ABL2: variants seen among roughly 807,000 people sequenced by gnomAD.
ABL2 encodes ABL proto-oncogene 2, non-receptor tyrosine kinase.
In ABL2, 49 loss-of-function variants were observed where a neutral mutation model predicts 107.7. That is an observed-to-expected ratio of 0.45 (90% CI 0.36 to 0.58). The LOEUF is 0.58. Among genes scored for constraint, ABL2 ranks in the 20% least tolerant of loss-of-function variants. ABL2 has a pLI of 0.00. For missense variants in ABL2, 1,245 were observed against 1,457.0 expected (o/e 0.85, Z 2.37); for synonymous variants, 549 against 548.6 (o/e 1.00, Z -0.01).
chr1:179,210,223 C>T (rs182342609), intron 1 of ABL2, among the ~76,000 whole-genome samples: 404 of 152,136 alleles, frequency 2.7e-3, no homozygotes, highest in Non-Finnish European at 4.5e-3. Flanking sequence ...AAAACAACAC[C>T]GGCCAGGTGC....
At chr1:179,171,329 GAC>G (rs1190190310) in intron 1 of ABL2, among the ~76,000 whole-genome samples, 1 of 152,154 alleles carries the variant, frequency 6.6e-6, no homozygotes, top group African/African-American at 2.4e-5. Flanking sequence ...AAAACCAAAA[GAC>G]ACAGAGACTC....
At chr1:179,203,606 T>A (rs1046970230) in intron 1 of ABL2, among the ~76,000 whole-genome samples, 7 of 152,138 alleles carry the variant, frequency 4.6e-5, no homozygotes, top group African/African-American at 1.7e-4. Flanking sequence ...TAACAAGCTA[T>A]GCAAAGAAGC....
chr1:179,167,379 T>A (rs1408044182), intron 1 of ABL2, among the ~76,000 whole-genome samples: 4 of 152,152 alleles, frequency 2.6e-5, no homozygotes, highest in Non-Finnish European at 5.9e-5. Flanking sequence ...AGTATAAAAT[T>A]ATAGATGGCT....
intron 1 of ABL2, among the ~76,000 whole-genome samples, chr1:179,202,092 TA>T (rs34598446): frequency 0.52 from 77,178 of 148,242 alleles, 19,950 homozygotes; most frequent in Admixed American, 0.56. Flanking sequence ...TTAAAGATAG[TA>T]AAAAAAAAAA....
At chr1:179,112,216 A>G in intron 10 of ABL2, 93 bp downstream of exon 10, 1 of 1,134,986 alleles carries the variant, frequency 8.8e-7, no homozygotes, top group South Asian at 1.4e-5. Flanking sequence ...AAACTCCACA[A>G]AAGTTGATCA....
Position 179,193,655 on chromosome 1 carries a change from C to T in ABL2, c.157+35586G>A, listed in dbSNP as rs145190334. ...TCCTGACCTCAAGTGATCCACCCTC[C>T]TTGGCCTCTCAAAGTGCTGGGATTA... is the stretch of plus-strand genomic sequence containing the variant. On this transcript the variant is annotated intron_variant, in intron 1 of 11. Coordinates refer to ENST00000502732, the MANE Select transcript of ABL2 (RefSeq NM_007314.4). Among the ~76,000 whole-genome samples the T allele has an allele frequency of 7.9e-3, 1,204 of 152,308 alleles. 43 individuals are homozygous for T. Among genetic ancestry groups the T allele is most frequent in the Admixed American group, 0.057 (870 of 15,302 alleles).
intron 4 of ABL2, among the ~76,000 whole-genome samples, chr1:179,123,963 C>T (rs1011664212): frequency 2.0e-5 from 3 of 150,240 alleles, no homozygotes; most frequent in African/African-American, 7.3e-5. Context: ...CGCTTTTGGT[C>T]GGGCGCAGTG....
At chr1:179,152,001 A>G (rs1380689944) in intron 1 of ABL2, among the ~76,000 whole-genome samples, 1 of 152,208 alleles carries the variant, frequency 6.6e-6, no homozygotes, top group African/African-American at 2.4e-5. Flanking sequence ...AAAGTCTTCT[A>G]TTACAGATAA....
intron 1 of ABL2, among the ~76,000 whole-genome samples, chr1:179,166,791 A>G (rs1055259964): frequency 4.0e-5 from 6 of 151,742 alleles, no homozygotes; most frequent in African/African-American, 1.2e-4. Flanking sequence ...AAAAAAAAAA[A>G]AAAGAAAAAA....
chr1:179,130,726 T>TG (rs1656220415), intron 3 of ABL2, among the ~76,000 whole-genome samples: 5 of 142,722 alleles, frequency 3.5e-5, no homozygotes, highest in East Asian at 4.1e-4. Flanking sequence ...ATTATTGATT[T>TG]TGTGTGTGTG....
chr1:179,229,652 G>GCCA lies in ABL2; in HGVS notation c.-258_-256dup. The GCCA allele has an allele frequency of 4.3e-6, 2 of 463,200 alleles. No homozygotes were observed. The highest frequency in any genetic ancestry group is 7.4e-6 in the Non-Finnish European group (2 of 270,756). The allele number at this position is 463,200 out of a possible 1,614,324, so 28.7% of individuals were successfully genotyped here. On this transcript the variant is annotated 5_prime_UTR_variant, in exon 1 of 12. Transcript: ENST00000502732. ...CCCCAACGCCGCCGCCGCCGCCGCC[G>GCCA]CCACCGCCGCCGCCATCTTTAAACC...
rs1298144395 is a variant in ABL2 at position 179,107,957 on chromosome 1, C to G, written c.3310G>C (p.Val1104Leu). The G allele has an allele frequency of 1.9e-5, 30 of 1,614,222 alleles. No homozygotes were observed. The highest frequency in any genetic ancestry group is 2.5e-5 in the Non-Finnish European group (30 of 1,180,046). The change falls in exon 12 of 12, where the codon GTG (valine) becomes CTG (leucine). Residue 1104 changes from valine to leucine, a missense_variant. By Grantham distance (32) the Val-to-Leu change is conservative. Coordinates refer to ENST00000502732, the MANE Select transcript of ABL2 (RefSeq NM_007314.4). ...GTGTCTACCAGCTGGCTGTTGGGCA[C>G]AGGTTCCGTGAGTGCACTGGACAGT... ...DLLSSALTEP[V>L]PNSQLVDTGH...
In ABL2 at chr1:179,109,197, T is replaced by C. The variant is rs1653796795; in HGVS notation, c.2070A>G (p.Ser690=). The change falls in exon 12 of 12, where the codon TCA becomes TCG. Residue 690 remains serine, a synonymous_variant. Transcript: ENST00000502732. ...HKKYELTGNF[S]SVASLQHADG... ...CAGCATGCTGTAGAGAAGCAACAGA[T>C]GAGAAGTTACCCGTGAGTTCGTATT... 2.5e-6 allele frequency: 4 copies of C among 1,612,226 alleles called. No individual in the cohort carries two copies. Among genetic ancestry groups the C allele is most frequent in the Admixed American group, 1.7e-5 (1 of 59,944 alleles).
intron 9 of ABL2, among the ~76,000 whole-genome samples, chr1:179,113,980 C>T (rs562465603): frequency 5.1e-4 from 75 of 147,306 alleles, no homozygotes; most frequent in Non-Finnish European, 1.0e-3. Context: ...TTAGGCCGGG[C>T]GTGGTGGCTC....
rs1470063809 is a variant in ABL2, at chr1:179,114,926, C to G, written c.1513G>C (p.Glu505Gln). The G allele has an allele frequency of 5.0e-6, 8 of 1,612,532 alleles. No individual in the cohort carries two copies. In the South Asian group the frequency reaches 7.7e-5, roughly 16 times the overall value. ...TTAGGGGGGCATCCCTCAGGCTGTTCCATTCGATATCCTTTTTCTAGTAGG... is the reference window on the plus strand; with the variant it reads ...TTAGGGGGGCATCCCTCAGGCTGTTGCATTCGATATCCTTTTTCTAGTAGG... ...YDLLEKGYRM[E>Q]QPEGCPPKVY... Residue 505 changes from glutamate to glutamine, a missense_variant, in exon 9 of 12, where the codon GAA (glutamate) becomes CAA (glutamine). Glu to Gln is a conservative substitution (Grantham distance 29). Coordinates refer to ENST00000502732, the MANE Select transcript of ABL2 (RefSeq NM_007314.4).
At chr1:179,111,082 C>G (rs553400722) in intron 10 of ABL2, among the ~76,000 whole-genome samples, 75 of 143,586 alleles carry the variant, frequency 5.2e-4, no homozygotes, top group African/African-American at 1.7e-3. Flanking sequence ...CTCCGATGTT[C>G]AAACGATTCT....
At chr1:179,156,801 C>G (rs1307654131) in intron 1 of ABL2, among the ~76,000 whole-genome samples, 3 of 151,904 alleles carry the variant, frequency 2.0e-5, no homozygotes, top group African/African-American at 7.3e-5. Context: ...TTGCGTGAAC[C>G]AGGGAAACAG....
intron 4 of ABL2, among the ~76,000 whole-genome samples, chr1:179,124,783 CA>C (rs1419118576): frequency 8.5e-5 from 13 of 152,268 alleles, no homozygotes; most frequent in Admixed American, 4.6e-4. Context: ...GAACTATACA[CA>C]AACAGAATCA....
chr1:179,227,507 C>A (rs1041851053), intron 1 of ABL2, among the ~76,000 whole-genome samples: 1 of 152,172 alleles, frequency 6.6e-6, no homozygotes, highest in East Asian at 1.9e-4. Flanking sequence ...TCATGACTTC[C>A]TCTTTCTTGG....
Sources: allele counts gnomAD v4.1 joint callset (sites outside exome capture counted in the v4.1 genomes callset), GRCh38; gene constraint gnomAD v4.1.1; transcripts MANE v1.5; gene names NCBI Gene and HGNC (gene_info 2026-07-23, HGNC 2026-07-21).